The following FSIP2 variants were observed in gnomAD, a reference collection of about 807,000 sequenced individuals.
FSIP2 encodes fibrous sheath-interacting protein 2.
A neutral mutation model predicts 510.5 loss-of-function variants in FSIP2; 367 were observed. The observed-to-expected ratio is 0.72, with a 90% CI of 0.66 to 0.78. The LOEUF (loss-of-function observed/expected upper bound fraction) is 0.78, where lower values mean the gene tolerates loss of function less well. Among genes scored for constraint, FSIP2 ranks in the 30% least tolerant of loss-of-function variants. FSIP2 has a pLI of 0.00. For synonymous variants in FSIP2, 2,601 were observed against 2,732.2 expected, an observed-to-expected ratio of 0.95 and a Z score of 1.50; for missense variants, 7,594 against 7,901.7, an observed-to-expected ratio of 0.96 and a Z score of 1.48.
chr2:185,802,074 A>G lies in FSIP2; in HGVS notation c.12768A>G (p.Glu4256=), dbSNP rs1402190917. ...IASFIIQEII[E]NHLQPFLSGE... ...GCTTTATCATCCAAGAGATTATCGA[A>G]AATCATCTTCAACCATTTTTGAGTG... The change falls in exon 17 of 23, where the codon GAA becomes GAG. Residue 4256 remains glutamate, a synonymous_variant. Coordinates refer to ENST00000424728, the MANE Select transcript of FSIP2 (RefSeq NM_173651.4). The G allele has an allele frequency of 3.3e-6, 5 of 1,533,504 alleles. No homozygotes were observed. The highest frequency in any genetic ancestry group is 3.5e-6 in the Non-Finnish European group (4 of 1,145,228). 95.0% of individuals were successfully genotyped at this position (1,533,504 alleles called of 1,614,324 possible). A position where few individuals can be genotyped will look rare whatever the true frequency, so the allele number is the denominator to read the frequency against.
Position 185,796,538 on chromosome 2 carries a change from G to C in FSIP2, c.9402G>C (p.Glu3134Asp). The C allele has an allele frequency of 6.5e-7, 1 of 1,535,050 alleles. No individual in the cohort carries two copies. The highest frequency in any genetic ancestry group is 1.2e-5 in the South Asian group (1 of 84,030). ...TLMDQCTYFN[E>D]SLIQNLSRES... Reference sequence around the variant, plus strand: ...TGGACCAGTGTACTTATTTCAATGAGTCTTTGATACAAAACCTTTCAAGAG... The same window carrying C: ...TGGACCAGTGTACTTATTTCAATGACTCTTTGATACAAAACCTTTCAAGAG... The change falls in exon 16 of 23, where the codon GAG becomes GAC. Residue 3134 changes from glutamate to aspartate, a missense_variant. Glu to Asp is a conservative substitution (Grantham distance 45, BLOSUM62 2). Coordinates refer to ENST00000424728, the MANE Select transcript of FSIP2 (RefSeq NM_173651.4).
At chr2:185,798,142 G>C (rs1166798178) in intron 16 of FSIP2, among the ~76,000 whole-genome samples, 3 of 151,942 alleles carry the variant, frequency 2.0e-5, no homozygotes, top group African/African-American at 7.2e-5. Context: ...GGTTGAGCAT[G>C]AGGCATAAAT....
chr2:185,794,260 A>G lies in FSIP2; in HGVS notation c.7124A>G (p.Tyr2375Cys), dbSNP rs1180843559. The change falls in exon 16 of 23, where the codon TAT (tyrosine) becomes TGT (cysteine). Residue 2375 changes from tyrosine to cysteine, a missense_variant. By Grantham distance (194) the Tyr-to-Cys change is radical (BLOSUM62 -2). Transcript: ENST00000424728. The stretch of plus-strand genomic sequence containing the variant: ...TTAGACTTAGAAATTCAAAAGATAT[A>G]TCCATATCAAAACAATATTTTGTTC... Reference protein sequence around the residue: ...NDLDLEIQKIYPYQNNILFQE... With the variant: ...NDLDLEIQKICPYQNNILFQE... 1.3e-6 allele frequency: 2 copies of G among 1,531,254 alleles called. No individual in the cohort carries two copies. Among genetic ancestry groups the G allele is most frequent in the Non-Finnish European group, 1.7e-6 (2 of 1,144,410 alleles). 94.9% of individuals were successfully genotyped at this position (1,531,254 alleles called of 1,614,324 possible). A position where few individuals can be genotyped will look rare whatever the true frequency, so the allele number is the denominator to read the frequency against.
At position 185,806,529 on chromosome 2, in the gene FSIP2, T is replaced by C. The variant is rs17826498; in HGVS notation, c.17223T>C (p.Asn5741=). 0.023 allele frequency: 37,123 copies of C among 1,597,636 alleles called. 532 individuals are homozygous for C. Among genetic ancestry groups the C allele is most frequent in the Non-Finnish European group, 0.027 (32,211 of 1,175,328 alleles). The change falls in exon 17 of 23, where the codon AAT becomes AAC. Residue 5741 remains asparagine (N), a synonymous_variant. Coordinates refer to ENST00000424728, the MANE Select transcript of FSIP2 (RefSeq NM_173651.4). Reference sequence around the variant, plus strand: ...AAGTATCCTCCTCAACTAACAAAAATATCTCTGCCAAAGAAAAAGAAGAGG... The same window carrying C: ...AAGTATCCTCCTCAACTAACAAAAACATCTCTGCCAAAGAAAAAGAAGAGG... The part of the protein sequence containing the change: ...TKKVSSSTNK[N]ISAKEKEEEE...
chr2:185,772,367 C>G (rs769466095), intron 13 of FSIP2, among the ~76,000 whole-genome samples: 6 of 152,130 alleles, frequency 3.9e-5, no homozygotes, highest in Non-Finnish European at 8.8e-5. Flanking sequence ...TAAAGGAATA[C>G]CTGAGGCTGG....
chr2:185,830,067 C>A (rs141270352), intron 21 of FSIP2, among the ~76,000 whole-genome samples: 62 of 151,818 alleles, frequency 4.1e-4, no homozygotes, highest in African/African-American at 1.5e-3. Context: ...AAATTGAAAC[C>A]ATAGCCATGA....
At position 185,744,334 on chromosome 2, in the gene FSIP2, T is replaced by A; in HGVS notation, c.400T>A (p.Leu134Met). ...TTTTTGTTTGTAGGTTGTATGTACC[T>A]TGAGAGAATTGAATAAGTACAGGCA... ...ITSNNKVVCT[L>M]RELNKYRQYL... is the part of the protein sequence containing the mutation. Residue 134 changes from leucine to methionine, a missense_variant, in exon 4 of 23, where the codon TTG (leucine) becomes ATG (methionine). Physicochemically the swap from Leu to Met is conservative, Grantham distance 15. Coordinates refer to ENST00000424728, the MANE Select transcript of FSIP2 (RefSeq NM_173651.4). 1 of 1,183,712 alleles carries A rather than the reference T, an allele frequency of 8.4e-7. No individual in the cohort carries two copies. Among genetic ancestry groups the A allele is most frequent in the Non-Finnish European group, 1.1e-6 (1 of 909,820 alleles). The allele number at this position is 1,183,712 out of a possible 1,614,324, so 73.3% of individuals were successfully genotyped here.
chr2:185,814,814 T>A (rs921486534), intron 18 of FSIP2, among the ~76,000 whole-genome samples: 3 of 152,074 alleles, frequency 2.0e-5, no homozygotes, highest in African/African-American at 7.2e-5. Context: ...CCATAACATG[T>A]TTTTGGAGAA....
chr2:185,797,426 T>C lies in FSIP2; in HGVS notation c.10290T>C (p.Phe3430=), dbSNP rs1226878001. The C allele has an allele frequency of 6.5e-7, 1 of 1,532,048 alleles. No individual in the cohort carries two copies. Among genetic ancestry groups the C allele is most frequent in the Non-Finnish European group, 8.7e-7 (1 of 1,145,484 alleles). The allele number at this position is 1,532,048 out of a possible 1,614,324, so 94.9% of individuals were successfully genotyped here. Reference sequence around the variant, plus strand: ...AGACTGTGAAGGAAGTTGAAGCCTTTACTTTTGCTGATCATGAAATGGGTT... The same window carrying C: ...AGACTGTGAAGGAAGTTGAAGCCTTCACTTTTGCTGATCATGAAATGGGTT... ...KIETVKEVEA[F]TFADHEMGSN... is the part of the protein sequence containing the mutation. Residue 3430 remains phenylalanine, a synonymous_variant, in exon 16 of 23, where the codon TTT becomes TTC. Transcript: ENST00000424728.
At position 185,790,044 on chromosome 2, in the gene FSIP2, G is replaced by A; in HGVS notation, c.2908G>A (p.Glu970Lys). 6.5e-7 allele frequency: 1 copy of A among 1,533,486 alleles called. No individual in the cohort carries two copies. Among genetic ancestry groups the A allele is most frequent in the Non-Finnish European group, 8.7e-7 (1 of 1,145,344 alleles). The allele number at this position is 1,533,486 out of a possible 1,614,324, so 95.0% of individuals were successfully genotyped here. ...PRISSPSDTKEKYRLTGTRLS... is the reference protein window; with the variant it reads ...PRISSPSDTKKKYRLTGTRLS... ...AATAAGTAGTCCTTCTGACACCAAA[G>A]AAAAGTACAGACTCACTGGCACTAG... The change falls in exon 16 of 23, where the codon GAA becomes AAA. Residue 970 changes from glutamate to lysine, a missense_variant. Coordinates refer to ENST00000424728, the MANE Select transcript of FSIP2 (RefSeq NM_173651.4).
At chr2:185,741,078 G>A (rs557470637) in intron 2 of FSIP2, among the ~76,000 whole-genome samples, 4 of 152,026 alleles carry the variant, frequency 2.6e-5, no homozygotes, top group South Asian at 2.1e-4. Flanking sequence ...TTGCAAAAAC[G>A]TGCTTGAAAT....
rs1429812530 is a variant in FSIP2, at chr2:185,797,284, G to T, written c.10148G>T (p.Arg3383Ile). The change falls in exon 16 of 23, where the codon AGA (arginine) becomes ATA (isoleucine). Residue 3383 changes from arginine (R) to isoleucine (I), a missense_variant. Coordinates refer to ENST00000424728, the MANE Select transcript of FSIP2 (RefSeq NM_173651.4). The part of the protein sequence containing the change: ...GQKDNEKSLL[R>I]MQDKKINYIP... The stretch of plus-strand genomic sequence containing the variant: ...AAGGATAACGAAAAAAGTTTGCTTA[G>T]AATGCAGGATAAAAAAATCAACTAT... 1 of 1,533,548 alleles carries T rather than the reference G, an allele frequency of 6.5e-7. No homozygotes were observed. The highest frequency in any genetic ancestry group is 2.0e-5 in the Admixed American group (1 of 50,558). The allele number at this position is 1,533,548 out of a possible 1,614,324, so 95.0% of individuals were successfully genotyped here.
intron 19 of FSIP2, among the ~76,000 whole-genome samples, chr2:185,816,855 C>CAGAG (rs58545522): frequency 5.3e-4 from 75 of 140,304 alleles, no homozygotes; most frequent in African/African-American, 1.6e-3. Context: ...AACTCTGAGA[C>CAGAG]AGAGAGAGAG....
upstream of FSIP2, chr2:185,738,628 A>G: frequency 6.5e-7 from 1 of 1,536,016 alleles, no homozygotes; most frequent in East Asian, 2.4e-5. Flanking sequence ...TCAGAGAAAG[A>G]TGAAGTTTCA....
At chr2:185,737,836 A>G (rs1176183413), upstream of FSIP2, among the ~76,000 whole-genome samples, 2 of 152,228 alleles carry the variant, frequency 1.3e-5, no homozygotes, top group African/African-American at 2.4e-5. Flanking sequence ...TGGAATTACA[A>G]CAAAGAGAGC....
At chr2:185,813,101 G>A (rs1018291892) in intron 17 of FSIP2, among the ~76,000 whole-genome samples, 16 of 151,882 alleles carry the variant, frequency 1.1e-4, no homozygotes, top group African/African-American at 2.7e-4. Flanking sequence ...ACCATTATTT[G>A]GGGTATTCAT....
rs182525243 is a variant in FSIP2, at chr2:185,773,747, T to C, written c.1412-8958T>C. Among the ~76,000 whole-genome samples the C allele has an allele frequency of 4.9e-3, 751 of 152,346 alleles. 8 individuals are homozygous for C. The highest frequency in any genetic ancestry group is 0.016 in the African/African-American group (680 of 41,592). On this transcript the variant is annotated intron_variant, in intron 13 of 22. Transcript: ENST00000424728. ...CCTGTTAATTGTGTCATCTGTGCTA[T>C]TTCTAAATCTATTTCTGTTGACTAA... is the stretch of plus-strand genomic sequence containing the variant.
At chr2:185,779,872 A>G (rs1692805260) in intron 13 of FSIP2, among the ~76,000 whole-genome samples, 1 of 150,976 alleles carries the variant, frequency 6.6e-6, no homozygotes, top group South Asian at 2.1e-4. Context: ...AATTGTCTTT[A>G]TCCTTGTATT....
Position 185,796,964 on chromosome 2 carries a change from A to G in FSIP2, c.9828A>G (p.Lys3276=), listed in dbSNP as rs1392652944. 5 of 1,534,992 alleles carry G rather than the reference A, an allele frequency of 3.3e-6. No individual in the cohort carries two copies. In the South Asian group the frequency reaches 6.0e-5, roughly 18 times the overall value. Reference sequence around the variant, plus strand: ...GTTTCTTACAAAAGCTGCTTAGGAAAGCAAGTGACTCCACAGAAGCAGCAT... The same window carrying G: ...GTTTCTTACAAAAGCTGCTTAGGAAGGCAAGTGACTCCACAGAAGCAGCAT... ...EGSFLQKLLR[K]ASDSTEAALK... The change falls in exon 16 of 23, where the codon AAA becomes AAG. Residue 3276 remains lysine, a synonymous_variant. Coordinates refer to ENST00000424728, the MANE Select transcript of FSIP2 (RefSeq NM_173651.4).
Sources: gnomAD v4.1 joint callset for allele counts (sites outside exome capture counted in the v4.1 genomes callset) on GRCh38, gnomAD v4.1.1 for gene constraint, MANE v1.5 for transcripts, NCBI Gene and HGNC (gene_info 2026-07-23, HGNC 2026-07-21) for gene names.